GLIPR1L2: variants seen among roughly 807,000 people sequenced by gnomAD.
GLIPR1L2 encodes GLIPR1-like protein 2.
GLIPR1L2 carries 21 observed loss-of-function variants against 28.4 expected under a neutral mutation model. The ratio of observed to expected loss-of-function variants is 0.74; its 90% confidence interval spans 0.52 to 1.06. The LOEUF is 1.06. Among genes scored for constraint, GLIPR1L2 ranks in the 50% least tolerant of loss-of-function variants. The probability of loss-of-function intolerance (pLI) is 0.00; values close to 1 mark genes in which losing one functional copy is unlikely to be tolerated. For missense variants in GLIPR1L2, 476 were observed against 416.9 expected (o/e 1.14, Z -1.23); for synonymous variants, 145 against 139.3 (o/e 1.04, Z -0.29).
chr12:75,428,463 G>A (rs1471714441), intron 4 of GLIPR1L2, among the ~76,000 whole-genome samples: 1 of 152,086 alleles, frequency 6.6e-6, no homozygotes, highest in Non-Finnish European at 1.5e-5. Flanking sequence ...CGTTTAAAAG[G>A]GAAGCAGAGC....
At chr12:75,417,090 A>G (rs958533706) in intron 3 of GLIPR1L2, among the ~76,000 whole-genome samples, 1 of 151,374 alleles carries the variant, frequency 6.6e-6, no homozygotes, top group African/African-American at 2.5e-5. Context: ...ACCTGTCAAT[A>G]TTACTTAAAT....
At chr12:75,429,354 C>T (rs529216606) in intron 4 of GLIPR1L2, among the ~76,000 whole-genome samples, 1 of 152,318 alleles carries the variant, frequency 6.6e-6, no homozygotes, top group South Asian at 2.1e-4. Flanking sequence ...CCTGTAGCCC[C>T]TTTGTTTTGG....
intron 3 of GLIPR1L2, among the ~76,000 whole-genome samples, chr12:75,414,252 A>G (rs1358747680): frequency 6.6e-6 from 1 of 152,060 alleles, no homozygotes; most frequent in African/African-American, 2.4e-5. Context: ...AAATGGTGGA[A>G]AATAACTGCA....
At chr12:75,402,369 G>A (rs976170063) in intron 1 of GLIPR1L2, among the ~76,000 whole-genome samples, 5 of 152,012 alleles carry the variant, frequency 3.3e-5, no homozygotes, top group East Asian at 1.9e-4. Context: ...GTGTTTCTGT[G>A]TGTTTAAAAA....
chr12:75,400,719 CTGGA>C (rs2045731443), intron 1 of GLIPR1L2, among the ~76,000 whole-genome samples: 1 of 151,928 alleles, frequency 6.6e-6, no homozygotes, highest in Admixed American at 6.6e-5. Flanking sequence ...GATAATTTCA[CTGGA>C]GATTATAAGT....
At chr12:75,413,997 T>G (rs1019069501) in intron 3 of GLIPR1L2, among the ~76,000 whole-genome samples, 6 of 151,994 alleles carry the variant, frequency 3.9e-5, no homozygotes, top group African/African-American at 1.4e-4. Flanking sequence ...ATTCTAAAAT[T>G]TATAGTAAAA....
At chr12:75,429,655 C>T (rs1270055468) in intron 4 of GLIPR1L2, among the ~76,000 whole-genome samples, 1 of 152,100 alleles carries the variant, frequency 6.6e-6, no homozygotes, top group Non-Finnish European at 1.5e-5. Context: ...CAAATCTCAT[C>T]TCAAATGGTA....
intron 1 of GLIPR1L2, among the ~76,000 whole-genome samples, chr12:75,399,309 C>A (rs974472751): frequency 5.9e-5 from 9 of 152,102 alleles, no homozygotes; most frequent in South Asian, 2.1e-4. Context: ...CATCTCAAAT[C>A]TGTGAGCTAT....
chr12:75,392,249 AACAC>A (rs1358726307), intron 1 of GLIPR1L2, among the ~76,000 whole-genome samples: 1 of 152,230 alleles, frequency 6.6e-6, no homozygotes, highest in Non-Finnish European at 1.5e-5. Flanking sequence ...TTATTAATTT[AACAC>A]ATAGCAATTG....
At chr12:75,421,466 G>T (rs1292042205) in intron 3 of GLIPR1L2, among the ~76,000 whole-genome samples, 1 of 152,032 alleles carries the variant, frequency 6.6e-6, no homozygotes, top group African/African-American at 2.4e-5. Context: ...CTTAGGCTTG[G>T]CCATTCTTCT....
At position 75,398,002 on chromosome 12, in the gene GLIPR1L2, T is replaced by G. The variant is rs1472185655; in HGVS notation, c.234+6652T>G. 1.1e-4 allele frequency among the ~76,000 whole-genome samples: 16 copies of G among 151,050 alleles called. 1 individual carries two copies. The highest frequency in any genetic ancestry group is 9.2e-4 in the Admixed American group (14 of 15,150). The stretch of plus-strand genomic sequence containing the variant: ...ATTTCTGGCACCTGAGTATTACCTT[T>G]CCTTCCTTTGAGCTCAGCTGTGGAT... On this transcript the variant is annotated intron_variant, in intron 1 of 5. Coordinates refer to ENST00000550916, the MANE Select transcript of GLIPR1L2 (RefSeq NM_001270396.2).
intron 1 of GLIPR1L2, among the ~76,000 whole-genome samples, chr12:75,405,396 T>C (rs908196111): frequency 2.0e-5 from 3 of 151,882 alleles, no homozygotes; most frequent in Non-Finnish European, 2.9e-5. Context: ...GAAGGAAGGG[T>C]AACATGGGGA....
rs1308169020 is a variant in GLIPR1L2 at position 75,392,087 on chromosome 12, A to G, written c.234+737A>G. Among the ~76,000 whole-genome samples the G allele has an allele frequency of 3.3e-5, 5 of 152,214 alleles. No homozygotes were observed. In the East Asian group the frequency reaches 9.6e-4, roughly 29 times the overall value. On this transcript the variant is annotated intron_variant, in intron 1 of 5. Transcript: ENST00000550916. ...ATTAAAATGACTGAAAATCCGGCAA[A>G]TAAATAACTGTCCTCTTAGGGAATT...
intron 1 of GLIPR1L2, among the ~76,000 whole-genome samples, chr12:75,409,702 TATATATATAAGATGTATATCTAATCCG>T (rs74212866): frequency 0.19 from 27,226 of 141,276 alleles, 9,721 homozygotes; most frequent in East Asian, 0.24. Flanking sequence ...TCTAATCCGA[TATATATATAAGATGTATATCTAATCCG>T]ATATATATAA....
At chr12:75,406,779 G>T (rs74719728) in intron 1 of GLIPR1L2, among the ~76,000 whole-genome samples, 1 of 143,574 alleles carries the variant, frequency 7.0e-6, no homozygotes, top group Non-Finnish European at 1.5e-5. Context: ...AAAAAAGAGA[G>T]AGAGAGAGAA....
At chr12:75,398,609 C>T (rs533672376) in intron 1 of GLIPR1L2, among the ~76,000 whole-genome samples, 3 of 152,234 alleles carry the variant, frequency 2.0e-5, no homozygotes, top group Non-Finnish European at 4.4e-5. Context: ...TCTAACCTGA[C>T]ATGGTAGTAC....
At chr12:75,419,920 G>T (rs1021526567) in intron 3 of GLIPR1L2, among the ~76,000 whole-genome samples, 1 of 152,142 alleles carries the variant, frequency 6.6e-6, no homozygotes, top group Non-Finnish European at 1.5e-5. Context: ...AGCCAGATGG[G>T]ATCTCTATTA....
At position 75,431,045 on chromosome 12, in the gene GLIPR1L2, A is replaced by G; in HGVS notation, c.919A>G (p.Lys307Glu). The change falls in exon 6 of 6, where the codon AAG becomes GAG. Residue 307 changes from lysine to glutamate, a missense_variant. By Grantham distance (56) the Lys-to-Glu change is moderately conservative. Transcript: ENST00000550916. ...TGAAGAGGAGGAAAAAGAGGAAGAG[A>G]AGAAAGAGAAAGAGGAAATGGAAAT... Reference protein sequence around the residue: ...GNEEEEKEEEKKEKEEMEMEI... With the variant: ...GNEEEEKEEEEKEKEEMEMEI... 6.8e-7 allele frequency: 1 copy of G among 1,475,418 alleles called. No homozygotes were observed. The highest frequency in any genetic ancestry group is 9.2e-7 in the Non-Finnish European group (1 of 1,091,778). 91.4% of individuals were successfully genotyped at this position (1,475,418 alleles called of 1,614,324 possible). A position where few individuals can be genotyped will look rare whatever the true frequency, so the allele number is the denominator to read the frequency against.
intron 1 of GLIPR1L2, among the ~76,000 whole-genome samples, chr12:75,408,195 G>C (rs1040591076): frequency 1.3e-5 from 2 of 151,924 alleles, no homozygotes; most frequent in African/African-American, 4.8e-5. Context: ...ACTGCTTCTT[G>C]AAACTTTAAC....
Sources: gnomAD v4.1 joint callset for allele counts (sites outside exome capture counted in the v4.1 genomes callset) on GRCh38, gnomAD v4.1.1 for gene constraint, MANE v1.5 for transcripts, NCBI Gene and HGNC (gene_info 2026-07-23, HGNC 2026-07-21) for gene names.